Variants in PRDM16 observed in about 807,000 individuals in gnomAD.
PRDM16 encodes histone-lysine N-methyltransferase PRDM16.
A neutral mutation model predicts 110.6 loss-of-function variants in PRDM16; 23 were observed. The observed-to-expected ratio is 0.21, with a 90% CI of 0.15 to 0.29. The LOEUF is 0.29. PRDM16 is among the 10% of genes least tolerant of loss of function. The pLI, the probability that PRDM16 is intolerant of heterozygous loss-of-function variation, is 1.00. For synonymous variants in PRDM16, 799 were observed against 781.8 expected, an observed-to-expected ratio of 1.02 and a Z score of -0.37; for missense variants, 1,615 against 1,794.3, an observed-to-expected ratio of 0.90 and a Z score of 1.81.
chr1:3,124,349 T>C (rs1643159766), intron 1 of PRDM16, among the ~76,000 whole-genome samples: 1 of 152,244 alleles, frequency 6.6e-6, no homozygotes, highest in Admixed American at 6.5e-5. Context: ...AGAGCTCTTC[T>C]GAACTCTGAC....
chr1:3,115,117 G>A (rs913687196), intron 1 of PRDM16, among the ~76,000 whole-genome samples: 2 of 152,336 alleles, frequency 1.3e-5, no homozygotes, highest in Non-Finnish European at 1.5e-5. Context: ...GCCCTGCCCC[G>A]CTCCTCCCAC....
chr1:3,234,712 T>C (rs998150990), intron 2 of PRDM16, among the ~76,000 whole-genome samples: 1 of 152,204 alleles, frequency 6.6e-6, no homozygotes, highest in Non-Finnish European at 1.5e-5. Flanking sequence ...AACATGACCA[T>C]GTAGCAGCTC....
chr1:3,280,420 G>C (rs556058216), intron 3 of PRDM16, among the ~76,000 whole-genome samples: 1 of 152,352 alleles, frequency 6.6e-6, no homozygotes, highest in South Asian at 2.1e-4. Context: ...TTTGCACACA[G>C]AGGAAGTGGT....
chr1:3,430,751 G>A, intron 14 of PRDM16, 121 bp from the exon 15 acceptor site: 1 of 1,221,392 alleles, frequency 8.2e-7, no homozygotes. Flanking sequence ...GCTCCCTCAG[G>A]AAGGGGGCTG....
chr1:3,311,569 C>T lies in PRDM16; in HGVS notation c.438+67432C>T, dbSNP rs1006516212. 3.9e-5 allele frequency among the ~76,000 whole-genome samples: 6 copies of T among 152,332 alleles called. No homozygotes were observed. In the South Asian group the frequency reaches 1.2e-3, roughly 32 times the overall value. The stretch of plus-strand genomic sequence containing the variant: ...CCCAAAACCAGCCAGCGTGGTACGA[C>T]TTTGCCATCATTTAATCCTTGGCCT... On this transcript the variant is annotated intron_variant, in intron 3 of 16. Coordinates refer to ENST00000270722, the MANE Select transcript of PRDM16 (RefSeq NM_022114.4).
At chr1:3,076,335 G>A (rs1472371178) in intron 1 of PRDM16, among the ~76,000 whole-genome samples, 1 of 152,224 alleles carries the variant, frequency 6.6e-6, no homozygotes, top group Non-Finnish European at 1.5e-5. Context: ...CGGCTGGTGG[G>A]GACCTGGGGC....
chr1:3,294,574 C>T (rs965474016), intron 3 of PRDM16, among the ~76,000 whole-genome samples: 5 of 152,112 alleles, frequency 3.3e-5, no homozygotes, highest in Admixed American at 3.3e-4. Context: ...TCCCCTTCCT[C>T]CTCCCCCCAG....
At chr1:3,215,525 G>T (rs1262414271) in intron 2 of PRDM16, among the ~76,000 whole-genome samples, 1 of 152,156 alleles carries the variant, frequency 6.6e-6, no homozygotes, top group East Asian at 1.9e-4. Context: ...AAGGAAGGTG[G>T]GGGCCCTGCC....
intron 8 of PRDM16, among the ~76,000 whole-genome samples, chr1:3,407,585 G>A (rs1476595585): frequency 5.3e-5 from 8 of 152,226 alleles, no homozygotes; most frequent in Admixed American, 2.0e-4. Flanking sequence ...GCACCAGTTG[G>A]TGCCTCAGAT....
At chr1:3,328,402 T>C (rs1045198594) in intron 3 of PRDM16, among the ~76,000 whole-genome samples, 1 of 152,190 alleles carries the variant, frequency 6.6e-6, no homozygotes, top group East Asian at 1.9e-4. Context: ...GGGGCTTTGA[T>C]GACAGGGCCC....
At chr1:3,291,291 T>A (rs1273913553) in intron 3 of PRDM16, among the ~76,000 whole-genome samples, 1 of 152,052 alleles carries the variant, frequency 6.6e-6, no homozygotes, top group Non-Finnish European at 1.5e-5. Context: ...GGCCTGGGCA[T>A]CACACACACC....
At chr1:3,394,464 C>A in intron 4 of PRDM16, 1 of 441,102 alleles carries the variant, frequency 2.3e-6, no homozygotes, top group South Asian at 1.6e-5. Context: ...ACGTCAGGAC[C>A]CTCGACGGGG....
chr1:3,086,057 G>A (rs1642143932), intron 1 of PRDM16, among the ~76,000 whole-genome samples: 1 of 152,242 alleles, frequency 6.6e-6, no homozygotes, highest in Non-Finnish European at 1.5e-5. Flanking sequence ...GTACACAGCT[G>A]CAGGCACACA....
At chr1:3,295,021 C>T (rs1042132788) in intron 3 of PRDM16, among the ~76,000 whole-genome samples, 6 of 152,306 alleles carry the variant, frequency 3.9e-5, no homozygotes, top group Middle Eastern at 3.4e-3. Context: ...TGGTTCACCC[C>T]TGCACCCTCA....
intron 3 of PRDM16, among the ~76,000 whole-genome samples, chr1:3,329,150 C>T (rs973946243): frequency 6.6e-6 from 1 of 152,254 alleles, no homozygotes; most frequent in South Asian, 2.1e-4. Context: ...GCACCAACCA[C>T]ATCCTGTCCC....
chr1:3,362,778 T>G (rs1177618866), intron 3 of PRDM16, among the ~76,000 whole-genome samples: 1 of 152,068 alleles, frequency 6.6e-6, no homozygotes, highest in Non-Finnish European at 1.5e-5. Flanking sequence ...ATCCCCCCCG[T>G]GGGACGGTCT....
chr1:3,226,235 T>C (rs1251606202), intron 2 of PRDM16, among the ~76,000 whole-genome samples: 1 of 152,230 alleles, frequency 6.6e-6, no homozygotes. Context: ...TGCTCTGCAC[T>C]TTTACAACCT....
At chr1:3,349,318 T>G (rs1642430841) in intron 3 of PRDM16, among the ~76,000 whole-genome samples, 1 of 152,010 alleles carries the variant, frequency 6.6e-6, no homozygotes, top group Non-Finnish European at 1.5e-5. Flanking sequence ...CGGCACGCTG[T>G]GAGTGATAAA....
At chr1:3,429,186 C>G (rs538137502) in intron 14 of PRDM16, among the ~76,000 whole-genome samples, 2 of 152,374 alleles carry the variant, frequency 1.3e-5, no homozygotes, top group Non-Finnish European at 1.5e-5. Context: ...GACTTCTGGC[C>G]TCAGAGCTGT....
Sources: allele counts gnomAD v4.1 joint callset (sites outside exome capture counted in the v4.1 genomes callset), GRCh38; gene constraint gnomAD v4.1.1; transcripts MANE v1.5; gene names NCBI Gene and HGNC (gene_info 2026-07-23, HGNC 2026-07-21).